The following ATP2B2 variants were observed in gnomAD, a reference collection of about 807,000 sequenced individuals.
The protein encoded by ATP2B2 is plasma membrane calcium-transporting ATPase 2.
Under a neutral mutation model 120.0 loss-of-function variants are expected in ATP2B2, and 15 were observed. That is an observed-to-expected ratio of 0.12 (90% CI 0.08 to 0.19). The LOEUF is 0.19. ATP2B2 is among the 10% of genes least tolerant of loss of function. The probability of loss-of-function intolerance (pLI) is 1.00; values close to 1 mark genes in which losing one functional copy is unlikely to be tolerated. For synonymous variants in ATP2B2, 694 were observed against 700.3 expected (o/e 0.99, Z 0.14); for missense variants, 1,045 against 1,719.8 (o/e 0.61, Z 6.94).
intron 12 of ATP2B2, among the ~76,000 whole-genome samples, chr3:10,368,627 C>T (rs1230620213): frequency 2.0e-5 from 3 of 151,752 alleles, no homozygotes; most frequent in Non-Finnish European, 2.9e-5. Context: ...CATTTACCAA[C>T]CATCACATCC....
chr3:10,324,564 C>T lies in ATP2B2; in HGVS notation c.*4250G>A, dbSNP rs994506186. On this transcript the variant is annotated 3_prime_UTR_variant, in exon 23 of 23. Coordinates refer to ENST00000360273, the MANE Select transcript of ATP2B2 (RefSeq NM_001001331.4). ...GGCCTAAAAGCCTTCAAGAAACGCT[C>T]TTCCCTACAAGAGCCTCTAATGGTG... 1.3e-5 allele frequency: 2 copies of T among 152,220 alleles called. No homozygotes were observed. The highest frequency in any genetic ancestry group is 2.9e-5 in the Non-Finnish European group (2 of 68,042). 9.4% of individuals were successfully genotyped at this position (152,220 alleles called of 1,614,324 possible). A position where few individuals can be genotyped will look rare whatever the true frequency, so the allele number is the denominator to read the frequency against.
At chr3:10,703,504 G>A (rs1286012780) in intron 1 of ATP2B2, among the ~76,000 whole-genome samples, 1 of 152,138 alleles carries the variant, frequency 6.6e-6, no homozygotes, top group Non-Finnish European at 1.5e-5. Flanking sequence ...AATTGTTGGA[G>A]GAGTGTGGAA....
chr3:10,525,175 T>TA (rs2067066613), intron 3 of ATP2B2, among the ~76,000 whole-genome samples: 1 of 152,178 alleles, frequency 6.6e-6, no homozygotes, highest in Non-Finnish European at 1.5e-5. Flanking sequence ...GAGTCTGCTG[T>TA]AAGGCACTTA....
chr3:10,497,436 T>C (rs763909178), intron 1 of ATP2B2, among the ~76,000 whole-genome samples: 4 of 152,254 alleles, frequency 2.6e-5, no homozygotes, highest in Non-Finnish European at 4.4e-5. Context: ...ACTGCTATTA[T>C]TTTATTGAGC....
chr3:10,541,484 T>TA (rs1401400970), intron 2 of ATP2B2, among the ~76,000 whole-genome samples: 14 of 152,340 alleles, frequency 9.2e-5, no homozygotes, highest in Admixed American at 3.9e-4. Context: ...TTCAATTTGA[T>TA]ATATTTTTAA....
chr3:10,341,826 T>C (rs143356144), intron 19 of ATP2B2, among the ~76,000 whole-genome samples: 3,127 of 152,340 alleles, frequency 0.021, 49 homozygotes, highest in Non-Finnish European at 0.032. Context: ...CTCTAAGCTT[T>C]TTCATGATAA....
At chr3:10,592,893 C>T (rs1559475598) in intron 2 of ATP2B2, among the ~76,000 whole-genome samples, 2 of 152,180 alleles carry the variant, frequency 1.3e-5, no homozygotes, top group South Asian at 2.1e-4. Flanking sequence ...ATCAATCCTC[C>T]CACCTCAGCC....
chr3:10,407,563 T>A (rs2062458457), intron 3 of ATP2B2, among the ~76,000 whole-genome samples: 1 of 152,126 alleles, frequency 6.6e-6, no homozygotes, highest in African/African-American at 2.4e-5. Flanking sequence ...AGGCCTTAAC[T>A]CCTGGATCTT....
intron 1 of ATP2B2, among the ~76,000 whole-genome samples, chr3:10,674,236 C>T (rs1453566639): frequency 6.6e-6 from 1 of 152,202 alleles, no homozygotes; most frequent in Admixed American, 6.5e-5. Context: ...CTGGTTGGTC[C>T]TCTCAGCCAC....
chr3:10,510,239 T>C (rs889698907), upstream of ATP2B2, among the ~76,000 whole-genome samples: 1 of 152,198 alleles, frequency 6.6e-6, no homozygotes, highest in African/African-American at 2.4e-5. Flanking sequence ...CCAGCCACCA[T>C]TCACACTGAC....
At chr3:10,610,803 AGGCTG>A (rs2069213641) in intron 2 of ATP2B2, among the ~76,000 whole-genome samples, 1 of 152,158 alleles carries the variant, frequency 6.6e-6, no homozygotes, top group African/African-American at 2.4e-5. Context: ...AGGGAACCTT[AGGCTG>A]GTCTCTCTGG....
chr3:10,452,433 T>G (rs1396445368), intron 1 of ATP2B2, among the ~76,000 whole-genome samples: 1 of 152,196 alleles, frequency 6.6e-6, no homozygotes, highest in Non-Finnish European at 1.5e-5. Flanking sequence ...CAGGGTTGGA[T>G]GAGGCACTAG....
intron 3 of ATP2B2, among the ~76,000 whole-genome samples, chr3:10,511,614 A>G (rs1261132561): frequency 6.6e-6 from 1 of 152,140 alleles, no homozygotes; most frequent in South Asian, 2.1e-4. Context: ...TGGGAAGGGT[A>G]AAAGGAGACC....
intron 2 of ATP2B2, among the ~76,000 whole-genome samples, chr3:10,556,780 T>G (rs1269766869): frequency 6.6e-6 from 1 of 152,238 alleles, no homozygotes; most frequent in Non-Finnish European, 1.5e-5. Context: ...TCTTTCTTAT[T>G]TTATTAATAA....
intron 1 of ATP2B2, among the ~76,000 whole-genome samples, chr3:10,679,728 T>C (rs1173922950): frequency 6.6e-6 from 1 of 152,184 alleles, no homozygotes; most frequent in African/African-American, 2.4e-5. Flanking sequence ...TGAAGCAGAT[T>C]CATGTGAATA....
intron 2 of ATP2B2, among the ~76,000 whole-genome samples, chr3:10,573,472 T>C (rs1348046952): frequency 6.6e-6 from 1 of 152,180 alleles, no homozygotes; most frequent in African/African-American, 2.4e-5. Flanking sequence ...GTCTCTTCCC[T>C]AGAACTTTGA....
Position 10,375,322 on chromosome 3 carries a change from TG to T in ATP2B2, c.1416+107del. ...TTCTTCCAAGCTCCTAGGGGGTCTATGGGGCTTCTTCGTTCATCTCCCAACC... is the reference window on the plus strand; with the variant it reads ...TTCTTCCAAGCTCCTAGGGGGTCTATGGGCTTCTTCGTTCATCTCCCAACC... On this transcript the variant is annotated intron_variant, in intron 11 of 22. Transcript: ENST00000360273. This position sits in a 1 kb window ranked among gnomAD's most constrained non-coding sequence, Gnocchi z 4.2. The T allele has an allele frequency of 1.1e-6, 1 of 946,828 alleles. No individual in the cohort carries two copies. Among genetic ancestry groups the T allele is most frequent in the Non-Finnish European group, 1.7e-6 (1 of 600,268 alleles). 58.7% of individuals were successfully genotyped at this position (946,828 alleles called of 1,614,324 possible). A position where few individuals can be genotyped will look rare whatever the true frequency, so the allele number is the denominator to read the frequency against.
At position 10,358,703 on chromosome 3, in the gene ATP2B2, C is replaced by T. The variant is rs766256193; in HGVS notation, c.2124G>A (p.Pro708=). 32 of 1,614,044 alleles carry T rather than the reference C, an allele frequency of 2.0e-5. No individual in the cohort carries two copies. The highest frequency in any genetic ancestry group is 6.6e-5 in the South Asian group (6 of 91,088). Residue 708 remains proline, a synonymous_variant, in exon 14 of 23, where the codon CCG becomes CCA. Coordinates refer to ENST00000360273, the MANE Select transcript of ATP2B2 (RefSeq NM_001001331.4). ...TCICVVGIED[P]VRPEVPEAIR... ...CCCTGGGGCCTACCTCTGGCCGCACCGGGTCCTCGATGCCCACCACGCAGA... is the reference window on the plus strand; with the variant it reads ...CCCTGGGGCCTACCTCTGGCCGCACTGGGTCCTCGATGCCCACCACGCAGA...
At chr3:10,335,509 C>A (rs1380488048) in intron 22 of ATP2B2, among the ~76,000 whole-genome samples, 5 of 152,202 alleles carry the variant, frequency 3.3e-5, no homozygotes, top group African/African-American at 1.2e-4. Flanking sequence ...CCTGCAGTGA[C>A]CTCTTGGCTC....
Sources: gnomAD v4.1 joint callset for allele counts (sites outside exome capture counted in the v4.1 genomes callset) on GRCh38, gnomAD v4.1.1 for gene constraint, Gnocchi (gnomAD v3.1) non-coding constraint, MANE v1.5 for transcripts, NCBI Gene and HGNC (gene_info 2026-07-23, HGNC 2026-07-21) for gene names.